Variants in ADAMTSL1 observed in about 807,000 individuals in gnomAD.
ADAMTSL1 encodes ADAMTS-like protein 1.
A neutral mutation model predicts 201.8 loss-of-function variants in ADAMTSL1; 126 were observed. The ratio of observed to expected loss-of-function variants is 0.62; its 90% CI spans 0.54 to 0.72. ADAMTSL1 has a LOEUF of 0.72. Among genes scored for constraint, ADAMTSL1 ranks in the 30% least tolerant of loss-of-function variants. ADAMTSL1 has a pLI of 0.00. For missense variants in ADAMTSL1, 2,679 were observed against 2,277.8 expected, an observed-to-expected ratio of 1.18 and a Z score of -3.59; for synonymous variants, 1,121 against 903.4, an observed-to-expected ratio of 1.24 and a Z score of -4.32.
chr9:18,890,497 C>T, intron 25 of ADAMTSL1: 1 of 455,976 alleles, frequency 2.2e-6, no homozygotes, highest in Non-Finnish European at 4.4e-6. Context: ...TGCCCCTTTA[C>T]TACCTATCTG....
At chr9:18,871,754 C>T (rs1827882101) in intron 23 of ADAMTSL1, among the ~76,000 whole-genome samples, 1 of 152,204 alleles carries the variant, frequency 6.6e-6, no homozygotes, top group Non-Finnish European at 1.5e-5. Context: ...CCCTTTCTTC[C>T]TCACATTCCA....
At chr9:18,829,602 T>A (rs1391528625) in intron 22 of ADAMTSL1, among the ~76,000 whole-genome samples, 2 of 152,226 alleles carry the variant, frequency 1.3e-5, no homozygotes, top group Admixed American at 1.3e-4. Flanking sequence ...GAACTTGGTA[T>A]GCCTGCTTCT....
Position 18,776,814 on chromosome 9 carries a change from A to C in ADAMTSL1, c.2585A>C (p.His862Pro). ...CGGCCATCCACGAAGCACAGCCCGCACATCGCGGCCGCCAGGAAGGTCTAC... is the reference window on the plus strand; with the variant it reads ...CGGCCATCCACGAAGCACAGCCCGCCCATCGCGGCCGCCAGGAAGGTCTAC... ...PGRPSTKHSP[H>P]IAAARKVYIQ... The change falls in exon 19 of 29, where the codon CAC (histidine) becomes CCC (proline). Residue 862 changes from histidine (H) to proline (P), a missense_variant. His to Pro is a moderately conservative substitution (Grantham distance 77, BLOSUM62 -2). Transcript: ENST00000380548. 1.3e-6 allele frequency: 2 copies of C among 1,567,326 alleles called. No individual in the cohort carries two copies. Among genetic ancestry groups the C allele is most frequent in the Non-Finnish European group, 1.7e-6 (2 of 1,156,628 alleles).
chr9:18,116,131 G>C (rs898882846), intron 1 of ADAMTSL1, among the ~76,000 whole-genome samples: 1 of 152,110 alleles, frequency 6.6e-6, no homozygotes, highest in Non-Finnish European at 1.5e-5. Context: ...GCAGTCGAAG[G>C]CTTGATGCCA....
intron 3 of ADAMTSL1, among the ~76,000 whole-genome samples, chr9:18,563,669 C>G (rs1821688874): frequency 6.6e-6 from 1 of 152,184 alleles, no homozygotes; most frequent in African/African-American, 2.4e-5. Context: ...ATGTGTAAGC[C>G]CCTGACTGGG....
At chr9:18,654,476 A>C (rs900470418) in intron 7 of ADAMTSL1, among the ~76,000 whole-genome samples, 6 of 152,240 alleles carry the variant, frequency 3.9e-5, no homozygotes, top group Non-Finnish European at 8.8e-5. Context: ...CATTGTTTGG[A>C]TACCTACTAT....
Position 18,706,962 on chromosome 9 carries a change from G to A in ADAMTSL1, c.1790G>A (p.Gly597Glu), listed in dbSNP as rs1428234124. 4 of 1,613,850 alleles carry A rather than the reference G, an allele frequency of 2.5e-6. No homozygotes were observed. Among genetic ancestry groups the A allele is most frequent in the Non-Finnish European group, 3.4e-6 (4 of 1,179,898 alleles). The change falls in exon 14 of 29, where the codon GGG (glycine) becomes GAG (glutamate). Residue 597 changes from glycine (G) to glutamate (E), a missense_variant. Coordinates refer to ENST00000380548, the MANE Select transcript of ADAMTSL1 (RefSeq NM_001040272.6). ...GAGTTCAACCCAGACGAGACAGATG[G>A]GCTCTTTGGTGGCCTGCAGGATTTC... The part of the protein sequence containing the change: ...IPEFNPDETD[G>E]LFGGLQDFDE...
intron 9 of ADAMTSL1, among the ~76,000 whole-genome samples, chr9:18,670,685 A>C (rs965812896): frequency 2.0e-5 from 3 of 152,256 alleles, no homozygotes; most frequent in Admixed American, 6.5e-5. Context: ...CACTGATGAC[A>C]TAAGTTCACT....
chr9:18,443,278 T>C (rs1287104558), intron 2 of ADAMTSL1, among the ~76,000 whole-genome samples: 1 of 152,246 alleles, frequency 6.6e-6, no homozygotes, highest in Admixed American at 6.5e-5. Flanking sequence ...CTAGCTTTCC[T>C]GTTGCTGATG....
At chr9:18,354,526 T>C (rs371000830) in intron 2 of ADAMTSL1, among the ~76,000 whole-genome samples, 4 of 152,338 alleles carry the variant, frequency 2.6e-5, no homozygotes, top group African/African-American at 9.6e-5. Context: ...TGACATGTAG[T>C]AATAATGAAG....
intron 4 of ADAMTSL1, among the ~76,000 whole-genome samples, chr9:18,576,639 T>C (rs1189684129): frequency 6.6e-6 from 1 of 152,202 alleles, no homozygotes. Context: ...ACCTGGAGAC[T>C]GTCCTGAGAT....
chr9:17,915,991 C>A (rs1468118698), intron 1 of ADAMTSL1, among the ~76,000 whole-genome samples: 1 of 152,104 alleles, frequency 6.6e-6, no homozygotes, highest in Non-Finnish European at 1.5e-5. Context: ...ATGATCTTGG[C>A]TCACTGAAAC....
intron 2 of ADAMTSL1, among the ~76,000 whole-genome samples, chr9:18,235,604 G>A (rs760108653): frequency 6.6e-6 from 1 of 152,166 alleles, no homozygotes; most frequent in Non-Finnish European, 1.5e-5. Flanking sequence ...TAATCACCTT[G>A]AAATAGCTCC....
At chr9:17,957,778 G>C (rs1827986713) in intron 1 of ADAMTSL1, among the ~76,000 whole-genome samples, 1 of 152,170 alleles carries the variant, frequency 6.6e-6, no homozygotes. Context: ...AGAGAAGGCT[G>C]TGTGAAAATG....
rs771813585 is a variant in ADAMTSL1 at position 18,777,666 on chromosome 9, G to A, written c.3437G>A (p.Arg1146Gln). 5 of 1,613,430 alleles carry A rather than the reference G, an allele frequency of 3.1e-6. No individual in the cohort carries two copies. In the South Asian group the frequency reaches 3.3e-5, roughly 11 times the overall value. ...GTGTCTGGCTTCAGCAGCTCCCTGC[G>A]GACCTCCTCCACCGGGGACGCCGGG... ...KHVSGFSSSL[R>Q]TSSTGDAGGG... The change falls in exon 19 of 29, where the codon CGG (arginine) becomes CAG (glutamine). Residue 1146 changes from arginine (R) to glutamine (Q), a missense_variant. By Grantham distance (43) the Arg-to-Gln change is conservative. Transcript: ENST00000380548.
chr9:18,712,430 G>T (rs1337580248), intron 14 of ADAMTSL1, among the ~76,000 whole-genome samples: 2 of 151,560 alleles, frequency 1.3e-5, no homozygotes, highest in Admixed American at 1.3e-4. Flanking sequence ...GAAAACCAAG[G>T]CTCCAGAACT....
chr9:18,755,142 T>G (rs1819680421), intron 16 of ADAMTSL1, among the ~76,000 whole-genome samples: 1 of 152,224 alleles, frequency 6.6e-6, no homozygotes, highest in Admixed American at 6.5e-5. Context: ...ATGATGTAAC[T>G]GTGGCCTAGA....
intron 4 of ADAMTSL1, among the ~76,000 whole-genome samples, chr9:18,613,832 C>T (rs368448070): frequency 3.3e-5 from 5 of 152,194 alleles, no homozygotes; most frequent in East Asian, 1.9e-4. Context: ...GCCCACGACA[C>T]GCATATACCT....
At chr9:17,927,408 G>C (rs562210238) in intron 1 of ADAMTSL1, among the ~76,000 whole-genome samples, 8 of 150,886 alleles carry the variant, frequency 5.3e-5, no homozygotes, top group African/African-American at 1.9e-4. Context: ...ATATACATAT[G>C]TATGTGTATA....
Sources: gnomAD v4.1 joint callset for allele counts (sites outside exome capture counted in the v4.1 genomes callset) on GRCh38, gnomAD v4.1.1 for gene constraint, MANE v1.5 for transcripts, NCBI Gene and HGNC (gene_info 2026-07-23, HGNC 2026-07-21) for gene names.